Variants in AKAP13 observed in about 807,000 individuals in gnomAD.
AKAP13 encodes the protein A-kinase anchor protein 13.
Under a neutral mutation model 264.5 loss-of-function variants are expected in AKAP13, and 80 were observed. The observed-to-expected ratio is 0.30, with a 90% confidence interval of 0.25 to 0.36. The LOEUF is 0.36. Ranked by LOEUF, AKAP13 falls within the 10% of genes least tolerant of loss-of-function variation. The pLI, the probability that AKAP13 is intolerant of heterozygous loss-of-function variation, is 1.00. For synonymous variants in AKAP13, 1,380 were observed against 1,250.2 expected, an observed-to-expected ratio of 1.10 and a Z score of -2.19; for missense variants, 3,712 against 3,435.2, an observed-to-expected ratio of 1.08 and a Z score of -2.01.
Position 85,579,128 on chromosome 15 carries a change from T to C in AKAP13, c.1060T>C (p.Cys354Arg). 1 of 1,614,162 alleles carries C rather than the reference T, an allele frequency of 6.2e-7. No homozygotes were observed. Among genetic ancestry groups the C allele is most frequent in the Non-Finnish European group, 8.5e-7 (1 of 1,180,024 alleles). ...GSPVAQTESPCDLSSIVEEEN... is the reference protein window; with the variant it reads ...GSPVAQTESPRDLSSIVEEEN... The stretch of plus-strand genomic sequence containing the variant: ...CCCTGTTGCACAGACTGAAAGTCCC[T>C]GTGATTTGTCAAGCATAGTTGAGGA... The change falls in exon 7 of 37, where the codon TGT (cysteine) becomes CGT (arginine). Residue 354 changes from cysteine to arginine, a missense_variant. This residue lies in a region of AKAP13 where 2,759 missense variants were observed against 2,411.7 expected (regional missense o/e 1.14). Coordinates refer to ENST00000394518, the MANE Select transcript of AKAP13 (RefSeq NM_007200.5).
At chr15:85,652,305 T>C (rs1193308328) in intron 10 of AKAP13, among the ~76,000 whole-genome samples, 1 of 152,208 alleles carries the variant, frequency 6.6e-6, no homozygotes, top group Non-Finnish European at 1.5e-5. Flanking sequence ...TAGCAGGCCT[T>C]TTTTTCAAGG....
At chr15:85,686,100 T>G (rs2084896413) in intron 16 of AKAP13, among the ~76,000 whole-genome samples, 1 of 151,924 alleles carries the variant, frequency 6.6e-6, no homozygotes, top group African/African-American at 2.4e-5. Flanking sequence ...AAGACATAAG[T>G]AAATAAAAAT....
chr15:85,726,141 T>G lies in AKAP13; in HGVS notation c.6746-269T>G. On this transcript the variant is annotated intron_variant, in intron 26 of 36. Transcript: ENST00000394518. Reference sequence around the variant, plus strand: ...TTAAAATCTTGTCTTATGGGATATATCTTTCTAGGACTGAGTACTTAAACT... The same window carrying G: ...TTAAAATCTTGTCTTATGGGATATAGCTTTCTAGGACTGAGTACTTAAACT... 1.2e-5 allele frequency: 4 copies of G among 322,366 alleles called. No individual in the cohort carries two copies. The South Asian group carries it at 3.9e-4, about 32-fold the overall frequency. 20.0% of individuals were successfully genotyped at this position (322,366 alleles called of 1,614,324 possible).
At chr15:85,656,201 A>T (rs1380492636) in intron 11 of AKAP13, among the ~76,000 whole-genome samples, 1 of 152,350 alleles carries the variant, frequency 6.6e-6, no homozygotes, top group South Asian at 2.1e-4. Context: ...CAGTCTTAAC[A>T]CATCAAAGTC....
At chr15:85,714,857 C>G (rs2086833544) in intron 19 of AKAP13, among the ~76,000 whole-genome samples, 1 of 152,098 alleles carries the variant, frequency 6.6e-6, no homozygotes, top group Non-Finnish European at 1.5e-5. Flanking sequence ...ATCCCAGCTA[C>G]TCGGGAGGCT....
chr15:85,662,325 A>G, intron 12 of AKAP13: 1 of 1,560,600 alleles, frequency 6.4e-7, no homozygotes, highest in Non-Finnish European at 8.8e-7. Context: ...AAACCTAATA[A>G]CCCCATTCCT....
chr15:85,543,644 T>G, intron 4 of AKAP13, 128 bp from the exon 5 acceptor site: 1 of 1,067,562 alleles, frequency 9.4e-7, no homozygotes, highest in Non-Finnish European at 1.3e-6. Flanking sequence ...TCACACTGTA[T>G]GTTGTAGCTT....
At chr15:85,684,002 C>T (rs983161590) in intron 15 of AKAP13, among the ~76,000 whole-genome samples, 6 of 152,114 alleles carry the variant, frequency 3.9e-5, no homozygotes, top group Non-Finnish European at 7.4e-5. Flanking sequence ...CTGATTGTCC[C>T]GTGTGCCAAA....
chr15:85,735,528 T>TAAA, intron 31 of AKAP13, 32 bp from the exon 32 acceptor site: 2 of 1,225,196 alleles, frequency 1.6e-6, no homozygotes, highest in South Asian at 1.5e-5. Context: ...TTCACAACTT[T>TAAA]AAAAAAAAAA....
intron 4 of AKAP13, among the ~76,000 whole-genome samples, chr15:85,539,055 T>C (rs1426311384): frequency 6.6e-6 from 1 of 151,694 alleles, no homozygotes; most frequent in Non-Finnish European, 1.5e-5. Flanking sequence ...ATGGTCTCGA[T>C]CTCCTGATCT....
chr15:85,643,147 T>A (rs1286477664), intron 9 of AKAP13, among the ~76,000 whole-genome samples: 3 of 151,616 alleles, frequency 2.0e-5, no homozygotes, highest in Non-Finnish European at 2.9e-5. Flanking sequence ...ATTTTTTTTT[T>A]AAATGAAAGA....
chr15:85,458,393 GTT>G (rs4037636), intron 1 of AKAP13, among the ~76,000 whole-genome samples: 2 of 120,640 alleles, frequency 1.7e-5, no homozygotes, highest in Admixed American at 8.3e-5. Context: ...TTTGTTTTTT[GTT>G]TTTTTTTTTT....
chr15:85,517,772 G>A (rs2151142209), intron 2 of AKAP13, among the ~76,000 whole-genome samples: 1 of 152,226 alleles, frequency 6.6e-6, no homozygotes, highest in East Asian at 1.9e-4. Context: ...TACAGAATAA[G>A]GCCTAGTATA....
chr15:85,648,783 G>T (rs2082675893), intron 10 of AKAP13, among the ~76,000 whole-genome samples: 1 of 152,150 alleles, frequency 6.6e-6, no homozygotes, highest in South Asian at 2.1e-4. Flanking sequence ...ACGCTGCAGT[G>T]AGCCGTGATG....
chr15:85,626,673 T>A (rs1023341359), intron 8 of AKAP13, among the ~76,000 whole-genome samples: 4 of 152,264 alleles, frequency 2.6e-5, no homozygotes, highest in African/African-American at 9.6e-5. Flanking sequence ...TGCCCCCATT[T>A]GGCTGTTGCA....
chr15:85,553,863 T>C (rs1199022621), intron 5 of AKAP13, among the ~76,000 whole-genome samples: 2 of 152,158 alleles, frequency 1.3e-5, no homozygotes, highest in African/African-American at 4.8e-5. Context: ...GAACTGCATA[T>C]GTGAGGGATC....
At chr15:85,644,855 T>C (rs2082481681) in intron 9 of AKAP13, among the ~76,000 whole-genome samples, 1 of 152,148 alleles carries the variant, frequency 6.6e-6, no homozygotes, top group African/African-American at 2.4e-5. Context: ...GGACTTGGGT[T>C]CTTGGTTTCA....
intron 7 of AKAP13, among the ~76,000 whole-genome samples, chr15:85,585,166 C>T (rs150235511): frequency 3.1e-4 from 47 of 152,270 alleles, no homozygotes; most frequent in Non-Finnish European, 5.9e-4. Flanking sequence ...AAAAATAAGA[C>T]GTAACTGCTG....
At chr15:85,673,471 G>A (rs949542491) in intron 14 of AKAP13, among the ~76,000 whole-genome samples, 2 of 152,008 alleles carry the variant, frequency 1.3e-5, no homozygotes, top group Non-Finnish European at 2.9e-5. Context: ...GTGCCTGGGA[G>A]GACTGCCCTG....
Sources: allele counts gnomAD v4.1 joint callset (sites outside exome capture counted in the v4.1 genomes callset), GRCh38; gene constraint gnomAD v4.1.1; regional missense constraint gnomAD v4.1.1; transcripts MANE v1.5; gene names NCBI Gene and HGNC (gene_info 2026-07-23, HGNC 2026-07-21).